Variants in FAM53B observed in about 807,000 individuals in gnomAD.
The protein encoded by FAM53B is family with sequence similarity 53 member B, also known as protein FAM53B.
Under a neutral mutation model 32.7 loss-of-function variants are expected in FAM53B, and 12 were observed. The observed-to-expected ratio is 0.37, with a 90% CI of 0.24 to 0.59. The LOEUF (loss-of-function observed/expected upper bound fraction) is 0.59, where lower values mean the gene tolerates loss of function less well. Among genes scored for constraint, FAM53B ranks in the 20% least tolerant of loss-of-function variants. The pLI is 0.72. For missense variants in FAM53B, 477 were observed against 577.7 expected (o/e 0.83, Z 1.79); for synonymous variants, 234 against 228.7 (o/e 1.02, Z -0.21).
At chr10:124,642,685 C>T (rs558880672) in intron 4 of FAM53B, among the ~76,000 whole-genome samples, 1 of 152,280 alleles carries the variant, frequency 6.6e-6, no homozygotes, top group South Asian at 2.1e-4. Flanking sequence ...CAGAAGCTTT[C>T]AGACAGTGAC....
chr10:124,708,090 T>G (rs142999482), intron 1 of FAM53B: 1 of 152,296 alleles, frequency 6.6e-6, no homozygotes, highest in East Asian at 1.9e-4. Context: ...AACCTGAAGA[T>G]CACCATCAAA....
intron 4 of FAM53B, among the ~76,000 whole-genome samples, chr10:124,676,550 G>C (rs769944975): frequency 1.3e-5 from 2 of 152,150 alleles, no homozygotes; most frequent in East Asian, 3.9e-4. Flanking sequence ...ACCCCATGGC[G>C]ACCAACAAGG....
chr10:124,673,305 C>G (rs1949718187), intron 4 of FAM53B, among the ~76,000 whole-genome samples: 1 of 152,192 alleles, frequency 6.6e-6, no homozygotes, highest in African/African-American at 2.4e-5. Flanking sequence ...TGCTTCTACT[C>G]TGCACTCAGG....
rs376635258 is a variant in FAM53B at position 124,619,785 on chromosome 10, T to A, written c.*3457A>T. ...GGGCCAGAGGGTGCCCGAGCCCCGG[T>A]GCGCGGCCAGCCTGCTGCATCCCTG... On this transcript the variant is annotated 3_prime_UTR_variant, in exon 5 of 5. Transcript: ENST00000337318. 6.6e-6 allele frequency: 1 copy of A among 152,618 alleles called. No individual in the cohort carries two copies. The highest frequency in any genetic ancestry group is 1.5e-5 in the Non-Finnish European group (1 of 68,066). 9.5% of individuals were successfully genotyped at this position (152,618 alleles called of 1,614,324 possible). A position where few individuals can be genotyped will look rare whatever the true frequency, so the allele number is the denominator to read the frequency against.
intron 1 of FAM53B, among the ~76,000 whole-genome samples, chr10:124,725,022 G>A (rs771777360): frequency 3.9e-5 from 6 of 152,194 alleles, no homozygotes; most frequent in Admixed American, 6.5e-5. Context: ...CTGAGTTAGT[G>A]TCCCCTTGTT....
At chr10:124,739,451 G>A (rs1338140032) in intron 1 of FAM53B, among the ~76,000 whole-genome samples, 3 of 152,176 alleles carry the variant, frequency 2.0e-5, no homozygotes, top group African/African-American at 7.2e-5. Flanking sequence ...TAAATCCTTG[G>A]GAATCATATT....
chr10:124,734,298 C>T lies in FAM53B; in HGVS notation c.-175+9715G>A, dbSNP rs74577804. ...CATCTCTGAATTCCTCAGGGCCTGA[C>T]GACTTGTCTGACACACATAGTAGCT... On this transcript the variant is annotated intron_variant, in intron 1 of 4. Transcript: ENST00000337318. 5.0e-4 allele frequency among the ~76,000 whole-genome samples: 76 copies of T among 152,358 alleles called. No homozygotes were observed. In the East Asian group the frequency reaches 0.013, roughly 26 times the overall value.
chr10:124,655,826 T>C (rs1007472), intron 4 of FAM53B, among the ~76,000 whole-genome samples: 7,991 of 152,288 alleles, frequency 0.052, 254 homozygotes, highest in East Asian at 0.12. Context: ...AGCACTTACT[T>C]TGTCCAACAC....
chr10:124,628,757 G>A (rs1368537676), intron 4 of FAM53B, among the ~76,000 whole-genome samples: 2 of 152,172 alleles, frequency 1.3e-5, no homozygotes, highest in Admixed American at 1.3e-4. Context: ...TTCCCTTTGG[G>A]GTCACCCCCA....
rs187101466 is a variant in FAM53B, at chr10:124,721,253, A to G, written c.-174-14366T>C. ...CACAACCTTCATGGGATGGGTGCAA[A>G]GTCACCCTGCAGTCTCTCCCTCCCA... On this transcript the variant is annotated intron_variant, in intron 1 of 4. Transcript: ENST00000337318. 3.9e-5 allele frequency among the ~76,000 whole-genome samples: 6 copies of G among 152,348 alleles called. No homozygotes were observed. The East Asian group carries it at 9.6e-4, about 24-fold the overall frequency.
intron 1 of FAM53B, among the ~76,000 whole-genome samples, chr10:124,729,446 A>G (rs1047558501): frequency 2.0e-5 from 3 of 152,210 alleles, no homozygotes; most frequent in Admixed American, 6.5e-5. Flanking sequence ...CCTCCTTACC[A>G]GGCACTTCCT....
chr10:124,686,729 G>C (rs923815302), intron 3 of FAM53B, among the ~76,000 whole-genome samples: 2 of 152,230 alleles, frequency 1.3e-5, no homozygotes, highest in Non-Finnish European at 2.9e-5. Flanking sequence ...GACCTTAGTT[G>C]GTGGTGCATG....
In FAM53B at chr10:124,623,065, G is replaced by A. The variant is rs933648792; in HGVS notation, c.*177C>T. 46 of 786,832 alleles carry A rather than the reference G, an allele frequency of 5.8e-5. No individual in the cohort carries two copies. The highest frequency in any genetic ancestry group is 1.4e-4 in the East Asian group (5 of 36,400). 48.7% of individuals were successfully genotyped at this position (786,832 alleles called of 1,614,324 possible). ...GAGGCTGACACACCCGCTGTATGAC[G>A]CGGCCAGGCCAGGCTCTCCCCCAGG... On this transcript the variant is annotated 3_prime_UTR_variant, in exon 5 of 5. Coordinates refer to ENST00000337318, the MANE Select transcript of FAM53B (RefSeq NM_014661.4).
intron 2 of FAM53B, chr10:124,704,474 G>A (rs779036743): frequency 6.6e-6 from 1 of 152,420 alleles, no homozygotes; most frequent in African/African-American, 2.4e-5. Context: ...GGGGTAAGGG[G>A]TGGGCGCTGG....
intron 4 of FAM53B, among the ~76,000 whole-genome samples, chr10:124,627,615 G>C (rs574235401): frequency 6.6e-6 from 1 of 152,314 alleles, no homozygotes; most frequent in African/African-American, 2.4e-5. Flanking sequence ...CCTCAGGCTA[G>C]TGGCCAGGGA....
intron 1 of FAM53B, among the ~76,000 whole-genome samples, chr10:124,731,783 C>T (rs534830356): frequency 8.5e-5 from 13 of 152,174 alleles, no homozygotes; most frequent in Admixed American, 3.9e-4. Flanking sequence ...GGCCCTTCCC[C>T]GCATCACCTC....
intron 4 of FAM53B, among the ~76,000 whole-genome samples, chr10:124,637,129 A>G (rs1245830901): frequency 1.3e-5 from 2 of 151,374 alleles, no homozygotes; most frequent in African/African-American, 4.9e-5. Context: ...CCCTGCTCCC[A>G]CTCGAGAGGG....
chr10:124,743,639 G>A (rs1950213260), intron 1 of FAM53B, among the ~76,000 whole-genome samples: 1 of 151,968 alleles, frequency 6.6e-6, no homozygotes, highest in Non-Finnish European at 1.5e-5. Flanking sequence ...GCTAGTCAGG[G>A]CTCAAGTTGA....
At chr10:124,732,168 C>A (rs1403881570) in intron 1 of FAM53B, among the ~76,000 whole-genome samples, 2 of 152,226 alleles carry the variant, frequency 1.3e-5, no homozygotes, top group Non-Finnish European at 2.9e-5. Context: ...GAGCAGCCAG[C>A]CACACAGGGA....
Sources: gnomAD v4.1 joint callset for allele counts (sites outside exome capture counted in the v4.1 genomes callset) on GRCh38, gnomAD v4.1.1 for gene constraint, MANE v1.5 for transcripts, NCBI Gene and HGNC (gene_info 2026-07-23, HGNC 2026-07-21) for gene names.